Variants in RPS6KC1 observed in about 807,000 individuals in gnomAD.
The protein encoded by RPS6KC1 is inactive ribosomal protein S6 kinase delta-1.
A neutral mutation model predicts 103.8 loss-of-function variants in RPS6KC1; 54 were observed. The ratio of observed to expected loss-of-function variants is 0.52; its 90% CI spans 0.42 to 0.65. RPS6KC1 has a LOEUF of 0.65. RPS6KC1 is among the 30% of genes least tolerant of loss of function. The pLI is 0.00. For synonymous variants in RPS6KC1, 439 were observed against 438.7 expected (o/e 1.00, Z -0.01); for missense variants, 1,151 against 1,253.8 (o/e 0.92, Z 1.24).
intron 6 of RPS6KC1, among the ~76,000 whole-genome samples, chr1:213,132,807 AAAT>A (rs1371467191): frequency 1.3e-5 from 2 of 152,346 alleles, no homozygotes; most frequent in East Asian, 3.9e-4. Flanking sequence ...AATACAGAGA[AAAT>A]AATCTTTCAG....
the RPS6KC1 span, among the ~76,000 whole-genome samples, chr1:213,843,883 T>G: frequency 1.3e-5 from 2 of 152,094 alleles, no homozygotes; most frequent in African/African-American, 4.8e-5. Context: ...TTTTTATGGC[T>G]TCTTGGTGTA....
At chr1:213,218,547 G>A (rs1038643219) in intron 8 of RPS6KC1, among the ~76,000 whole-genome samples, 4 of 152,150 alleles carry the variant, frequency 2.6e-5, no homozygotes, top group African/African-American at 9.7e-5. Flanking sequence ...AACCAAAAAA[G>A]AGCCCACATT....
chr1:213,359,742 G>A, the RPS6KC1 span, among the ~76,000 whole-genome samples: 1 of 152,104 alleles, frequency 6.6e-6, no homozygotes. Context: ...AGCTCTTTAG[G>A]GCAAGCCTGG....
intron 4 of RPS6KC1, among the ~76,000 whole-genome samples, chr1:213,113,394 A>G (rs2083237669): frequency 2.0e-5 from 3 of 151,996 alleles, no homozygotes; most frequent in Admixed American, 6.6e-5. Context: ...TCCTTCGCCC[A>G]CTTTTTGATG....
chr1:213,168,915 A>G (rs937971947), intron 7 of RPS6KC1, among the ~76,000 whole-genome samples: 1 of 152,210 alleles, frequency 6.6e-6, no homozygotes, highest in African/African-American at 2.4e-5. Flanking sequence ...TCTAAGAGTC[A>G]GGCAGGCTTG....
the RPS6KC1 span, among the ~76,000 whole-genome samples, chr1:213,513,708 T>G: frequency 2.0e-5 from 3 of 152,206 alleles, no homozygotes; most frequent in Admixed American, 2.0e-4. Context: ...CAGAGGAGGA[T>G]AAATACATTT....
At chr1:213,776,269 G>A in the RPS6KC1 span, among the ~76,000 whole-genome samples, 76 of 152,192 alleles carry the variant, frequency 5.0e-4, no homozygotes, top group Non-Finnish European at 7.8e-4. Context: ...CAGATCTGTC[G>A]GAGGAATCAC....
chr1:213,849,086 G>A, the RPS6KC1 span, among the ~76,000 whole-genome samples: 6 of 152,218 alleles, frequency 3.9e-5, no homozygotes, highest in East Asian at 5.8e-4. Context: ...GGAATGAGGA[G>A]TGAGGAATCT....
At chr1:213,457,971 G>T in the RPS6KC1 span, among the ~76,000 whole-genome samples, 1 of 152,214 alleles carries the variant, frequency 6.6e-6, no homozygotes, top group Non-Finnish European at 1.5e-5. Flanking sequence ...AGCAGTAAGT[G>T]TACTTCCAAA....
the RPS6KC1 span, among the ~76,000 whole-genome samples, chr1:213,619,765 A>G: frequency 6.6e-6 from 1 of 152,224 alleles, no homozygotes; most frequent in African/African-American, 2.4e-5. Flanking sequence ...TTTTTGCAAA[A>G]TGTCCAGGTG....
At chr1:213,612,673 T>C in the RPS6KC1 span, among the ~76,000 whole-genome samples, 24 of 152,252 alleles carry the variant, frequency 1.6e-4, no homozygotes, top group African/African-American at 5.8e-4. Context: ...TTCTCTCCAA[T>C]TAATTATAGT....
At chr1:213,075,027 A>AT (rs1208804266) in intron 2 of RPS6KC1, among the ~76,000 whole-genome samples, 3 of 151,110 alleles carry the variant, frequency 2.0e-5, no homozygotes, top group African/African-American at 7.3e-5. Flanking sequence ...AATTTTTTGT[A>AT]TTTTTTGTAG....
the RPS6KC1 span, among the ~76,000 whole-genome samples, chr1:213,427,312 T>C: frequency 6.6e-6 from 1 of 152,230 alleles, no homozygotes; most frequent in Non-Finnish European, 1.5e-5. Context: ...AGAACCTTAT[T>C]TTTATAAAGA....
intron 1 of RPS6KC1, among the ~76,000 whole-genome samples, chr1:213,052,776 A>G (rs985366902): frequency 6.6e-6 from 1 of 152,104 alleles, no homozygotes; most frequent in African/African-American, 2.4e-5. Context: ...TCCTGACCTC[A>G]GTTGATCCGC....
the RPS6KC1 span, among the ~76,000 whole-genome samples, chr1:213,748,692 C>T: frequency 1.3e-5 from 2 of 152,176 alleles, no homozygotes; most frequent in South Asian, 4.1e-4. Flanking sequence ...GCTATAAAGG[C>T]CATCTCAGGC....
the RPS6KC1 span, among the ~76,000 whole-genome samples, chr1:213,591,065 G>A: frequency 6.6e-6 from 1 of 152,076 alleles, no homozygotes; most frequent in Non-Finnish European, 1.5e-5. Flanking sequence ...TGGCTTACCC[G>A]ATGCCATGAC....
chr1:213,615,933 G>A, the RPS6KC1 span, among the ~76,000 whole-genome samples: 3 of 152,204 alleles, frequency 2.0e-5, no homozygotes, highest in Admixed American at 6.5e-5. Context: ...GGGTAGGTAG[G>A]GAAAATGATT....
intron 3 of RPS6KC1, among the ~76,000 whole-genome samples, chr1:213,080,021 AT>A (rs2079724629): frequency 6.8e-6 from 1 of 147,596 alleles, no homozygotes; most frequent in South Asian, 2.1e-4. Context: ...GGTTCAAGTG[AT>A]TCTCCTGCCT....
the RPS6KC1 span, among the ~76,000 whole-genome samples, chr1:213,565,693 C>T: frequency 6.6e-6 from 1 of 152,180 alleles, no homozygotes; most frequent in Admixed American, 6.5e-5. Flanking sequence ...GAGTTGCACA[C>T]CAATGTACAC....
Sources: gnomAD v4.1 joint callset for allele counts (sites outside exome capture counted in the v4.1 genomes callset) on GRCh38, gnomAD v4.1.1 for gene constraint, MANE v1.5 for transcripts, NCBI Gene and HGNC (gene_info 2026-07-23, HGNC 2026-07-21) for gene names.